The following CCSER1 variants were observed in gnomAD, a reference collection of about 807,000 sequenced individuals.
The protein encoded by CCSER1 is serine-rich coiled-coil domain-containing protein 1.
A neutral mutation model predicts 82.0 loss-of-function variants in CCSER1; 41 were observed. The ratio of observed to expected loss-of-function variants is 0.50; its 90% CI spans 0.39 to 0.65. The LOEUF (loss-of-function observed/expected upper bound fraction) is 0.65, where lower values mean the gene tolerates loss of function less well. Ranked by LOEUF, CCSER1 falls within the 30% of genes least tolerant of loss-of-function variation. The probability of loss-of-function intolerance (pLI) is 0.00; values close to 1 mark genes in which losing one functional copy is unlikely to be tolerated. For synonymous variants in CCSER1, 414 were observed against 383.9 expected, an observed-to-expected ratio of 1.08 and a Z score of -0.92; for missense variants, 1,119 against 1,064.2, an observed-to-expected ratio of 1.05 and a Z score of -0.72.
chr4:90,921,242 T>C (rs1332940973), intron 8 of CCSER1, among the ~76,000 whole-genome samples: 2 of 151,980 alleles, frequency 1.3e-5, no homozygotes, highest in Non-Finnish European at 2.9e-5. Flanking sequence ...GTGTATGTGA[T>C]AGACATTTGT....
intron 10 of CCSER1, among the ~76,000 whole-genome samples, chr4:91,329,493 A>G (rs1476039242): frequency 2.0e-5 from 3 of 152,158 alleles, no homozygotes; most frequent in Non-Finnish European, 2.9e-5. Flanking sequence ...TGTGTTAGTC[A>G]TGTTGGGATC....
intron 1 of CCSER1, among the ~76,000 whole-genome samples, chr4:90,249,456 C>G (rs1338258526): frequency 6.6e-6 from 1 of 152,032 alleles, no homozygotes; most frequent in African/African-American, 2.4e-5. Context: ...TTCATTACCC[C>G]CAAAAGAAAT....
chr4:90,311,124 T>C (rs536311333), intron 2 of CCSER1, among the ~76,000 whole-genome samples: 88 of 152,250 alleles, frequency 5.8e-4, no homozygotes, highest in African/African-American at 1.7e-3. Context: ...TTGCATGTCA[T>C]GTTAATAACT....
intron 9 of CCSER1, among the ~76,000 whole-genome samples, chr4:90,945,657 T>G (rs929513861): frequency 2.0e-5 from 3 of 152,184 alleles, no homozygotes; most frequent in Non-Finnish European, 4.4e-5. Flanking sequence ...TCTCAGCACC[T>G]TTAGTGCCCG....
At chr4:91,096,333 G>T (rs57174110) in intron 10 of CCSER1, among the ~76,000 whole-genome samples, 1 of 152,124 alleles carries the variant, frequency 6.6e-6, no homozygotes, top group Non-Finnish European at 1.5e-5. Flanking sequence ...GGCACTGTTG[G>T]TGCCATCTCC....
chr4:90,461,570 C>T (rs1762933878), intron 4 of CCSER1, among the ~76,000 whole-genome samples: 1 of 152,178 alleles, frequency 6.6e-6, no homozygotes, highest in Non-Finnish European at 1.5e-5. Flanking sequence ...GCCCCAATCA[C>T]ATTGAATTAT....
At chr4:91,507,608 T>C (rs1759570336) in intron 10 of CCSER1, among the ~76,000 whole-genome samples, 1 of 149,492 alleles carries the variant, frequency 6.7e-6, no homozygotes, top group Admixed American at 6.8e-5. Flanking sequence ...AATTAGGTTG[T>C]CTTTTTTTTT....
At chr4:90,281,473 C>T (rs943193848) in intron 1 of CCSER1, among the ~76,000 whole-genome samples, 1 of 151,790 alleles carries the variant, frequency 6.6e-6, no homozygotes, top group African/African-American at 2.4e-5. Flanking sequence ...GCACATGTAC[C>T]CCTGAAGCTA....
intron 10 of CCSER1, among the ~76,000 whole-genome samples, chr4:91,461,277 G>A (rs535938273): frequency 1.3e-5 from 2 of 152,238 alleles, no homozygotes; most frequent in Non-Finnish European, 2.9e-5. Context: ...TATTCTCCAT[G>A]TTTTACTTAG....
intron 5 of CCSER1, among the ~76,000 whole-genome samples, chr4:90,536,597 T>G (rs574398572): frequency 1.3e-5 from 2 of 152,312 alleles, no homozygotes; most frequent in South Asian, 4.1e-4. Context: ...ACCTTGACCT[T>G]GATTACTCTA....
chr4:90,921,255 T>G (rs1728338215), intron 8 of CCSER1, among the ~76,000 whole-genome samples: 1 of 151,852 alleles, frequency 6.6e-6, no homozygotes, highest in African/African-American at 2.4e-5. Context: ...ACATTTGTCA[T>G]AAACTTTCAT....
At chr4:91,438,180 C>T (rs1754812696) in intron 10 of CCSER1, among the ~76,000 whole-genome samples, 1 of 152,246 alleles carries the variant, frequency 6.6e-6, no homozygotes, top group African/African-American at 2.4e-5. Context: ...ACTACCTCCT[C>T]AAGTGGGTCC....
intron 6 of CCSER1, among the ~76,000 whole-genome samples, chr4:90,692,112 A>C (rs1181782409): frequency 1.3e-5 from 2 of 150,344 alleles, no homozygotes; most frequent in Admixed American, 6.7e-5. Context: ...ATGATCATAA[A>C]ATCTCTTATT....
intron 6 of CCSER1, among the ~76,000 whole-genome samples, chr4:90,629,027 T>C (rs1215765110): frequency 6.6e-6 from 1 of 152,156 alleles, no homozygotes; most frequent in East Asian, 1.9e-4. Flanking sequence ...TTACATCCTA[T>C]TATATTTAAG....
At chr4:91,281,969 CT>C (rs1219147137) in intron 10 of CCSER1, among the ~76,000 whole-genome samples, 3 of 152,008 alleles carry the variant, frequency 2.0e-5, no homozygotes, top group Non-Finnish European at 2.9e-5. Flanking sequence ...AATAATAGAG[CT>C]TTTAAAAAAT....
chr4:90,683,663 C>T (rs1322783793), intron 6 of CCSER1, among the ~76,000 whole-genome samples: 1 of 151,926 alleles, frequency 6.6e-6, no homozygotes, highest in Non-Finnish European at 1.5e-5. Context: ...GTATTTAAAA[C>T]AATTTTCTGC....
intron 7 of CCSER1, among the ~76,000 whole-genome samples, chr4:90,784,065 T>C (rs1462546796): frequency 6.6e-6 from 1 of 152,222 alleles, no homozygotes; most frequent in Non-Finnish European, 1.5e-5. Context: ...TGTCATTACA[T>C]TTATTTATTG....
chr4:91,325,313 T>G, intron 10 of CCSER1: 1 of 374,492 alleles, frequency 2.7e-6, no homozygotes. Context: ...GAAGCTTTAC[T>G]TGGAAAATGA....
chr4:90,139,837 G>T (rs1230338004), intron 1 of CCSER1, among the ~76,000 whole-genome samples: 1 of 152,130 alleles, frequency 6.6e-6, no homozygotes, highest in East Asian at 1.9e-4. Context: ...GCAGGTATCT[G>T]TAATCTCAGC....
Sources: allele counts gnomAD v4.1 joint callset (sites outside exome capture counted in the v4.1 genomes callset), GRCh38; gene constraint gnomAD v4.1.1; transcripts MANE v1.5; gene names NCBI Gene and HGNC (gene_info 2026-07-23, HGNC 2026-07-21).